The following ANK3 variants were observed in gnomAD, a reference collection of about 807,000 sequenced individuals.
The protein encoded by ANK3 is ankyrin 3, also known as ankyrin-3.
In ANK3, 57 loss-of-function variants were observed where a neutral mutation model predicts 370.9. That is an observed-to-expected ratio of 0.15 (90% CI 0.12 to 0.19). The LOEUF (loss-of-function observed/expected upper bound fraction) is 0.19. Among genes scored for constraint, ANK3 ranks in the 10% least tolerant of loss-of-function variants. The probability of loss-of-function intolerance (pLI) is 1.00; values close to 1 mark genes in which losing one functional copy is unlikely to be tolerated. For missense variants in ANK3, 4,439 were observed against 5,302.1 expected (o/e 0.84, Z 5.06); for synonymous variants, 1,929 against 1,946.3 (o/e 0.99, Z 0.23).
intron 43 of ANK3, among the ~76,000 whole-genome samples, chr10:60,037,379 G>C (rs2075246072): frequency 6.6e-6 from 1 of 152,114 alleles, no homozygotes. Context: ...GTGCAGGTTT[G>C]TTACACATTA....
In ANK3 at chr10:60,486,326, C is replaced by G. The variant is rs575972897; in HGVS notation, c.96+128860G>C. ...AGGCGCAATGGCTCATGCCTGTAAT[C>G]CCAGCACTTTGGGAGGCCGAGGTGG... On this transcript the variant is annotated intron_variant, in intron 2 of 43. Coordinates refer to the ANK3 transcript ENST00000373827. Among the ~76,000 whole-genome samples, 6 of 152,286 alleles carry G rather than the reference C, an allele frequency of 3.9e-5. No individual in the cohort carries two copies. The East Asian group carries it at 1.2e-3, about 29-fold the overall frequency.
intron 1 of ANK3, among the ~76,000 whole-genome samples, chr10:60,722,129 T>C (rs867490306): frequency 2.6e-5 from 4 of 152,214 alleles, no homozygotes; most frequent in African/African-American, 7.2e-5. Flanking sequence ...TGCCATTTCA[T>C]ACCCCTCGCA....
intron 1 of ANK3, among the ~76,000 whole-genome samples, chr10:60,282,488 T>C (rs2098178623): frequency 6.6e-6 from 1 of 152,072 alleles, no homozygotes; most frequent in Non-Finnish European, 1.5e-5. Context: ...ATGAATAAAT[T>C]ATCTTCCTTC....
At position 60,163,457 on chromosome 10, in the gene ANK3, G is replaced by A. The variant is rs2095546864; in HGVS notation, c.2614+3134C>T. ...CACCTGTGTTCAACTTTGCAACTTG[G>A]CCCCATTGTTCTCCCACCTTATTAA... On this transcript the variant is annotated intron_variant, in intron 23 of 43. Transcript: ENST00000280772. 2.0e-5 allele frequency among the ~76,000 whole-genome samples: 3 copies of A among 152,072 alleles called. No individual in the cohort carries two copies. The South Asian group carries it at 6.2e-4, about 31-fold the overall frequency.
intron 8 of ANK3, among the ~76,000 whole-genome samples, chr10:60,222,680 T>C (rs1415975187): frequency 2.0e-5 from 3 of 152,180 alleles, no homozygotes; most frequent in African/African-American, 4.8e-5. Context: ...AATCAGTTCC[T>C]GCTATACTTG....
intron 5 of ANK3, among the ~76,000 whole-genome samples, chr10:60,267,275 T>G (rs2097896888): frequency 1.3e-5 from 2 of 152,276 alleles, no homozygotes; most frequent in South Asian, 4.1e-4. Flanking sequence ...AGCAATACAG[T>G]AATTAGAATA....
chr10:60,245,358 T>TATC (rs10639094), intron 7 of ANK3, among the ~76,000 whole-genome samples: 112,669 of 151,840 alleles, frequency 0.74, 41,846 homozygotes, highest in East Asian at 0.86. Flanking sequence ...AAGATTGACA[T>TATC]ATAATTTTCA....
chr10:60,661,737 G>A (rs183561729), intron 1 of ANK3, among the ~76,000 whole-genome samples: 5 of 152,262 alleles, frequency 3.3e-5, no homozygotes, highest in Admixed American at 3.3e-4. Flanking sequence ...TTGTTTCCAG[G>A]CGTAGCTGCA....
At position 60,074,228 on chromosome 10, in the gene ANK3, G is replaced by A. The variant is rs750105304; in HGVS notation, c.6653C>T (p.Ala2218Val). The A allele has an allele frequency of 6.2e-7, 1 of 1,614,118 alleles. No homozygotes were observed. The highest frequency in any genetic ancestry group is 8.5e-7 in the Non-Finnish European group (1 of 1,179,996). ...TTCACTACTGGCTTTCATTTGAAAT[G>A]CTTTAACCTTTTCTTTAATACTAGA... Reference protein sequence around the residue: ...TTSSIKEKVKAFQMKASSEED... With the variant: ...TTSSIKEKVKVFQMKASSEED... Residue 2218 changes from alanine (A) to valine (V), a missense_variant, in exon 37 of 44, where the codon GCA (alanine) becomes GTA (valine). Around this residue, in one of 13 missense-constraint regions of ANK3, gnomAD observed 1,601 missense variants for 1,731.7 expected, o/e 0.92. Coordinates refer to ENST00000280772, the MANE Select transcript of ANK3 (RefSeq NM_020987.5).
At chr10:60,692,350 T>C (rs2079367386) in intron 1 of ANK3, among the ~76,000 whole-genome samples, 1 of 152,222 alleles carries the variant, frequency 6.6e-6, no homozygotes, top group African/African-American at 2.4e-5. Flanking sequence ...CTTTCTGTCA[T>C]GGGCTGCCTC....
At chr10:60,553,733 AT>A (rs1567141015) in intron 2 of ANK3, among the ~76,000 whole-genome samples, 1 of 152,140 alleles carries the variant, frequency 6.6e-6, no homozygotes, top group South Asian at 2.1e-4. Context: ...GAGTAAAAAA[AT>A]TTTTTTTGAA....
chr10:60,197,272 A>G (rs1045988083), intron 14 of ANK3, among the ~76,000 whole-genome samples: 10 of 152,206 alleles, frequency 6.6e-5, no homozygotes, highest in Non-Finnish European at 1.2e-4. Context: ...ATAATGACAC[A>G]TGGACAAATA....
At chr10:60,668,961 C>G (rs749835006) in intron 1 of ANK3, among the ~76,000 whole-genome samples, 10 of 152,034 alleles carry the variant, frequency 6.6e-5, no homozygotes, top group Non-Finnish European at 1.3e-4. Flanking sequence ...CCACTGCACT[C>G]CAGCCTGGGT....
intron 1 of ANK3, among the ~76,000 whole-genome samples, chr10:60,362,527 A>G (rs1191529087): frequency 2.6e-5 from 4 of 152,216 alleles, no homozygotes; most frequent in African/African-American, 7.2e-5. Flanking sequence ...GAATACTTCT[A>G]TCGCACGTGA....
chr10:60,167,567 C>G (rs1045079108), intron 21 of ANK3, among the ~76,000 whole-genome samples: 1 of 152,068 alleles, frequency 6.6e-6, no homozygotes, highest in Non-Finnish European at 1.5e-5. Flanking sequence ...GTCAGCATCA[C>G]TGGTAAGAAA....
intron 1 of ANK3, among the ~76,000 whole-genome samples, chr10:60,659,114 C>A (rs1346375492): frequency 6.6e-6 from 1 of 152,064 alleles, no homozygotes; most frequent in East Asian, 1.9e-4. Flanking sequence ...AATATAAAAG[C>A]TAAAGGTATA....
At chr10:60,166,786 A>G in intron 22 of ANK3, 38 bp downstream of exon 22, 1 of 1,600,856 alleles carries the variant, frequency 6.2e-7, no homozygotes, top group African/African-American at 1.3e-5. Flanking sequence ...ATACACAGTC[A>G]CTTATAATTA....
intron 7 of ANK3, among the ~76,000 whole-genome samples, chr10:60,239,835 A>G (rs1006282020): frequency 1.3e-5 from 2 of 152,064 alleles, no homozygotes; most frequent in African/African-American, 4.8e-5. Context: ...AACTGGAACT[A>G]TACTGTTGTC....
chr10:60,427,173 A>G (rs1327788146), intron 2 of ANK3, among the ~76,000 whole-genome samples: 1 of 152,180 alleles, frequency 6.6e-6, no homozygotes, highest in African/African-American at 2.4e-5. Context: ...TAGGTAATTA[A>G]TTCAACAAAA....
Sources: allele counts gnomAD v4.1 joint callset (sites outside exome capture counted in the v4.1 genomes callset), GRCh38; gene constraint gnomAD v4.1.1; regional missense constraint gnomAD v4.1.1; transcripts MANE v1.5; gene names NCBI Gene and HGNC (gene_info 2026-07-23, HGNC 2026-07-21).